The following CDK7 variants were observed in gnomAD, a reference collection of about 807,000 sequenced individuals.
CDK7 encodes cyclin-dependent kinase 7.
In CDK7, 25 loss-of-function variants were observed where a neutral mutation model predicts 49.1. The ratio of observed to expected loss-of-function variants is 0.51; its 90% CI spans 0.37 to 0.71. The LOEUF (loss-of-function observed/expected upper bound fraction) is 0.71. Ranked by LOEUF, CDK7 falls within the 30% of genes least tolerant of loss-of-function variation. The probability of loss-of-function intolerance (pLI) is 0.00; values close to 1 mark genes in which losing one functional copy is unlikely to be tolerated. For missense variants in CDK7, 316 were observed against 411.7 expected, an observed-to-expected ratio of 0.77 and a Z score of 2.01; for synonymous variants, 107 against 140.0, an observed-to-expected ratio of 0.76 and a Z score of 1.67.
At chr5:69,269,331 A>G (rs771110236) in intron 9 of CDK7, 38 bp downstream of exon 9, 3 of 1,440,088 alleles carry the variant, frequency 2.1e-6, no homozygotes, top group Non-Finnish European at 2.9e-6. Flanking sequence ...TGTAATTAGG[A>G]CTCTGTAAAG....
intron 8 of CDK7, among the ~76,000 whole-genome samples, chr5:69,265,363 C>T (rs1234247463): frequency 6.6e-6 from 1 of 150,388 alleles, no homozygotes; most frequent in Non-Finnish European, 1.5e-5. Context: ...AAACCTGTGC[C>T]AAGACACACT....
chr5:69,249,024 G>T (rs887967009), intron 2 of CDK7, among the ~76,000 whole-genome samples: 2 of 151,296 alleles, frequency 1.3e-5, no homozygotes, highest in African/African-American at 4.9e-5. Flanking sequence ...TCTGCATTTG[G>T]GAAGTTTCCC....
intron 9 of CDK7, among the ~76,000 whole-genome samples, chr5:69,270,694 G>T (rs1378300092): frequency 6.6e-6 from 1 of 152,166 alleles, no homozygotes; most frequent in Non-Finnish European, 1.5e-5. Flanking sequence ...TTTCAAGAAT[G>T]TTATGTAAAT....
chr5:69,259,042 C>A (rs542236584), intron 6 of CDK7, among the ~76,000 whole-genome samples: 21 of 150,824 alleles, frequency 1.4e-4, no homozygotes, highest in African/African-American at 5.1e-4. Context: ...CACCACTGCA[C>A]TCTAGTCTGG....
intron 5 of CDK7, 98 bp from the exon 6 acceptor site, chr5:69,257,945 G>A (rs1390793249): frequency 2.1e-5 from 15 of 720,566 alleles, no homozygotes; most frequent in Middle Eastern, 3.8e-4. Flanking sequence ...AGAGTCTCCT[G>A]TATTGATACT....
chr5:69,236,512 A>C lies in CDK7; in HGVS notation c.126+1059A>C, dbSNP rs908148815. 2.0e-5 allele frequency among the ~76,000 whole-genome samples: 3 copies of C among 150,836 alleles called. No individual in the cohort carries two copies. In the Admixed American group the frequency reaches 2.0e-4, roughly 10 times the overall value. ...TGCTTCAAAAACCCTAACTCCTTGG[A>C]AGTTATCCATATTTAACATTAATTC... On this transcript the variant is annotated intron_variant, in intron 2 of 11. Transcript: ENST00000256443.
chr5:69,235,035 GGGACA>G lies in CDK7; in HGVS notation c.63_66+1del. On this transcript the variant is annotated frameshift_variant and splice_region_variant, in exon 1 of 12. Transcript: ENST00000256443. LOFTEE classifies it high-confidence loss of function. ...ATGAGAAGCTGGACTTCCTTGGGGAGGGACAGGTGAGGCTCTCTGGAAGGACGGGG... is the reference window on the plus strand; with the variant it reads ...ATGAGAAGCTGGACTTCCTTGGGGAGGGTGAGGCTCTCTGGAAGGACGGGG... 6.2e-7 allele frequency: 1 copy of G among 1,602,284 alleles called. No individual in the cohort carries two copies. The highest frequency in any genetic ancestry group is 8.5e-7 in the Non-Finnish European group (1 of 1,174,692).
chr5:69,273,468 C>G (rs1346112648), intron 10 of CDK7, among the ~76,000 whole-genome samples: 1 of 152,012 alleles, frequency 6.6e-6, no homozygotes, highest in Non-Finnish European at 1.5e-5. Flanking sequence ...TAATGCAATC[C>G]AGGTATGCAT....
At chr5:69,249,076 C>G (rs1749961094) in intron 2 of CDK7, among the ~76,000 whole-genome samples, 1 of 151,940 alleles carries the variant, frequency 6.6e-6, no homozygotes, top group Non-Finnish European at 1.5e-5. Context: ...CTCTCTCTCT[C>G]TACCTCCTTT....
chr5:69,239,547 A>G (rs1405804641), intron 2 of CDK7, among the ~76,000 whole-genome samples: 1 of 152,216 alleles, frequency 6.6e-6, no homozygotes, highest in Admixed American at 6.6e-5. Flanking sequence ...CTGGGATTAC[A>G]GGTGTGAACC....
chr5:69,254,808 A>G (rs2054976), intron 4 of CDK7, 139 bp downstream of exon 4: 183,042 of 578,268 alleles, frequency 0.32, 30,788 homozygotes, highest in East Asian at 0.43. Flanking sequence ...TTTCTATCCC[A>G]GTTGTTTTGG....
chr5:69,250,552 G>A (rs1346881680), intron 2 of CDK7, among the ~76,000 whole-genome samples: 1 of 152,086 alleles, frequency 6.6e-6, no homozygotes, highest in Non-Finnish European at 1.5e-5. Context: ...ATGCTGCCAG[G>A]CCTGGGACTC....
chr5:69,255,442 A>G lies in CDK7; in HGVS notation c.229-18A>G. 1 of 1,491,314 alleles carries G rather than the reference A, an allele frequency of 6.7e-7. No individual in the cohort carries two copies. Among genetic ancestry groups the G allele is most frequent in the South Asian group, 1.3e-5 (1 of 79,822 alleles). 92.4% of individuals were successfully genotyped at this position (1,491,314 alleles called of 1,614,324 possible). A position where few individuals can be genotyped will look rare whatever the true frequency, so the allele number is the denominator to read the frequency against. ...GGTATTAAATAGTGAATCACATTTTAATTTTTTAACTTTGCAGCTCCTTGA... is the reference window on the plus strand; with the variant it reads ...GGTATTAAATAGTGAATCACATTTTGATTTTTTAACTTTGCAGCTCCTTGA... On this transcript the variant is annotated intron_variant, in intron 4 of 11. Transcript: ENST00000256443.
intron 8 of CDK7, among the ~76,000 whole-genome samples, chr5:69,265,908 TA>T (rs71612522): frequency 2.7e-5 from 4 of 148,480 alleles, no homozygotes; most frequent in African/African-American, 7.5e-5. Context: ...AGACACTAGC[TA>T]AAAAAAAAAG....
At chr5:69,261,490 C>CTCTGTG (rs1191860477) in intron 7 of CDK7, among the ~76,000 whole-genome samples, 17 of 139,644 alleles carry the variant, frequency 1.2e-4, no homozygotes, top group Non-Finnish European at 1.1e-4. Context: ...AAAAGGTTCT[C>CTCTGTG]TGTGTGTGTG....
At chr5:69,275,187 A>T (rs1024979474) in intron 10 of CDK7, among the ~76,000 whole-genome samples, 3 of 152,042 alleles carry the variant, frequency 2.0e-5, no homozygotes, top group Admixed American at 2.0e-4. Flanking sequence ...TAGTAGGGGG[A>T]AAAAAAGAGA....
intron 2 of CDK7, among the ~76,000 whole-genome samples, chr5:69,247,321 G>A (rs1394159697): frequency 1.3e-5 from 2 of 152,054 alleles, no homozygotes; most frequent in African/African-American, 4.8e-5. Flanking sequence ...CTGAATTGAC[G>A]CCTTTATCAT....
intron 3 of CDK7, among the ~76,000 whole-genome samples, chr5:69,253,228 A>G (rs1458372841): frequency 6.6e-6 from 1 of 152,154 alleles, no homozygotes; most frequent in Non-Finnish European, 1.5e-5. Flanking sequence ...AAAGAGACCC[A>G]TTGTCTGTGT....
intron 2 of CDK7, among the ~76,000 whole-genome samples, chr5:69,239,623 T>C (rs1266318031): frequency 6.6e-6 from 1 of 152,188 alleles, no homozygotes; most frequent in Non-Finnish European, 1.5e-5. Context: ...ACACATTGCA[T>C]ATATCATTTC....
Sources: gnomAD v4.1 joint callset for allele counts (sites outside exome capture counted in the v4.1 genomes callset) on GRCh38, gnomAD v4.1.1 for gene constraint, MANE v1.5 for transcripts, NCBI Gene and HGNC (gene_info 2026-07-23, HGNC 2026-07-21) for gene names.